Variants in CAMKMT observed in about 807,000 individuals in gnomAD.
CAMKMT encodes the protein CaM KMT.
A neutral mutation model predicts 48.0 loss-of-function variants in CAMKMT; 53 were observed. The ratio of observed to expected loss-of-function variants is 1.10; its 90% CI spans 0.89 to 1.39. The LOEUF (loss-of-function observed/expected upper bound fraction) is 1.39, where lower values mean the gene tolerates loss of function less well. Ranked by LOEUF, CAMKMT falls within the 40% of genes most tolerant of loss-of-function variation. The pLI is 0.00. For missense variants in CAMKMT, 428 were observed against 402.7 expected (o/e 1.06, Z -0.54); for synonymous variants, 165 against 152.3 (o/e 1.08, Z -0.61).
chr2:44,761,027 G>T (rs116134037), intron 9 of CAMKMT, among the ~76,000 whole-genome samples: 2 of 152,194 alleles, frequency 1.3e-5, no homozygotes, highest in African/African-American at 4.8e-5. Flanking sequence ...ACAGTCTAGA[G>T]ACAAGCAAGG....
intron 1 of CAMKMT, among the ~76,000 whole-genome samples, chr2:44,363,044 G>C (rs1678120088): frequency 6.6e-6 from 1 of 152,194 alleles, no homozygotes; most frequent in Non-Finnish European, 1.5e-5. Context: ...CTTTACTTGA[G>C]ATTGTGCTTT....
At chr2:44,649,700 A>C (rs908529083) in intron 3 of CAMKMT, among the ~76,000 whole-genome samples, 3 of 152,154 alleles carry the variant, frequency 2.0e-5, no homozygotes, top group African/African-American at 7.2e-5. Flanking sequence ...GTGATGGAAA[A>C]CCGAACAAGT....
At chr2:44,757,768 T>C (rs960843690) in intron 9 of CAMKMT, among the ~76,000 whole-genome samples, 1 of 152,158 alleles carries the variant, frequency 6.6e-6, no homozygotes, top group Non-Finnish European at 1.5e-5. Context: ...TCACCTATGT[T>C]GATCAGGCTG....
intron 3 of CAMKMT, among the ~76,000 whole-genome samples, chr2:44,659,420 C>T (rs867040353): frequency 1.3e-5 from 2 of 151,838 alleles, no homozygotes; most frequent in African/African-American, 2.4e-5. Context: ...GAACAAGACC[C>T]AGTTTCAAGA....
chr2:44,405,179 C>T (rs1210866167), intron 3 of CAMKMT, among the ~76,000 whole-genome samples: 1 of 151,914 alleles, frequency 6.6e-6, no homozygotes. Flanking sequence ...TTTCTTTTGA[C>T]CCAATAATCC....
chr2:44,646,322 G>GT (rs1237801748), intron 3 of CAMKMT, among the ~76,000 whole-genome samples: 280 of 146,352 alleles, frequency 1.9e-3, no homozygotes, highest in African/African-American at 4.4e-3. Context: ...TTTGTTTTTT[G>GT]TTTTTTTTTT....
intron 9 of CAMKMT, among the ~76,000 whole-genome samples, chr2:44,762,662 A>G (rs894432084): frequency 3.0e-4 from 45 of 152,362 alleles, no homozygotes; most frequent in Middle Eastern, 3.4e-3. Context: ...ATAATAAAAA[A>G]TAAAATAAAA....
intron 3 of CAMKMT, among the ~76,000 whole-genome samples, chr2:44,469,341 T>C (rs1183503432): frequency 1.8e-5 from 2 of 110,106 alleles, no homozygotes; most frequent in Non-Finnish European, 3.7e-5. Flanking sequence ...TTGAATCTTA[T>C]TAAACCTGAT....
At chr2:44,426,684 A>C (rs1042615512) in intron 3 of CAMKMT, among the ~76,000 whole-genome samples, 2 of 152,220 alleles carry the variant, frequency 1.3e-5, no homozygotes, top group Non-Finnish European at 2.9e-5. Context: ...TGACACAAAC[A>C]AATGGAAAAA....
chr2:44,722,176 C>CTTTT (rs11323950), intron 7 of CAMKMT, among the ~76,000 whole-genome samples: 9 of 115,450 alleles, frequency 7.8e-5, no homozygotes, highest in East Asian at 2.5e-4. Context: ...TTTCTTTTTT[C>CTTTT]TTTTTTTTTT....
At chr2:44,713,873 G>A (rs961190832) in intron 6 of CAMKMT, among the ~76,000 whole-genome samples, 3 of 152,144 alleles carry the variant, frequency 2.0e-5, no homozygotes, top group Non-Finnish European at 4.4e-5. Context: ...CTTGCTTTGA[G>A]CATTCAGGAA....
chr2:44,652,495 A>T (rs2104044104), intron 3 of CAMKMT, among the ~76,000 whole-genome samples: 1 of 152,320 alleles, frequency 6.6e-6, no homozygotes, highest in South Asian at 2.1e-4. Flanking sequence ...TGGGGTCTCC[A>T]CAGGTAAAGC....
intron 3 of CAMKMT, among the ~76,000 whole-genome samples, chr2:44,691,781 C>A (rs781553779): frequency 2.0e-5 from 3 of 152,150 alleles, no homozygotes; most frequent in African/African-American, 7.2e-5. Flanking sequence ...GTTTCCAAAC[C>A]TCCCTGTGCC....
rs183550671 is a variant in CAMKMT at position 44,594,212 on chromosome 2, A to G, written c.377-110071A>G. Among the ~76,000 whole-genome samples, 61 of 152,342 alleles carry G rather than the reference A, an allele frequency of 4.0e-4. 1 individual carries two copies. Among genetic ancestry groups the G allele is most frequent in the African/African-American group, 1.3e-3 (55 of 41,568 alleles). On this transcript the variant is annotated intron_variant, in intron 3 of 10. Coordinates refer to ENST00000378494, the MANE Select transcript of CAMKMT (RefSeq NM_024766.5). Reference sequence around the variant, plus strand: ...CCATGCTCATGGATAGGAAGAGTCAATATTGTGAAAATGGCCATACTGCCC... The same window carrying G: ...CCATGCTCATGGATAGGAAGAGTCAGTATTGTGAAAATGGCCATACTGCCC...
Position 44,743,659 on chromosome 2 carries a change from C to G in CAMKMT, c.661C>G (p.Leu221Val). The change falls in exon 8 of 11, where the codon CTG becomes GTG. Residue 221 changes from leucine (L) to valine (V), a missense_variant. Coordinates refer to ENST00000378494, the MANE Select transcript of CAMKMT (RefSeq NM_024766.5). Reference protein sequence around the residue: ...RWDNETDVSQLEGHFDIVMCA... With the variant: ...RWDNETDVSQVEGHFDIVMCA... ...GGATAATGAGACAGATGTCTCTCAA[C>G]TGGAAGGACATTTTGACATTGTTAT... 6.2e-7 allele frequency: 1 copy of G among 1,613,302 alleles called. No homozygotes were observed. The highest frequency in any genetic ancestry group is 2.2e-5 in the East Asian group (1 of 44,850).
intron 3 of CAMKMT, among the ~76,000 whole-genome samples, chr2:44,413,631 G>C (rs1683362265): frequency 6.7e-6 from 1 of 148,194 alleles, no homozygotes; most frequent in African/African-American, 2.5e-5. Context: ...AAGTCAGGGT[G>C]ACAGAGTGAG....
At chr2:44,669,827 G>A (rs1310070751) in intron 3 of CAMKMT, among the ~76,000 whole-genome samples, 13 of 151,730 alleles carry the variant, frequency 8.6e-5, no homozygotes, top group Admixed American at 1.3e-4. Context: ...TTGTAGAGAC[G>A]AAGTTTCACC....
At chr2:44,577,483 G>C (rs766004614) in intron 3 of CAMKMT, among the ~76,000 whole-genome samples, 3 of 152,118 alleles carry the variant, frequency 2.0e-5, no homozygotes, top group African/African-American at 7.2e-5. Context: ...GCCAGGTGTG[G>C]TAGTACATGC....
chr2:44,677,200 T>C (rs1157456842), intron 3 of CAMKMT, among the ~76,000 whole-genome samples: 2 of 152,242 alleles, frequency 1.3e-5, no homozygotes, highest in Non-Finnish European at 2.9e-5. Context: ...AATAGCATTT[T>C]CATGATTAAG....
Sources: gnomAD v4.1 joint callset for allele counts (sites outside exome capture counted in the v4.1 genomes callset) on GRCh38, gnomAD v4.1.1 for gene constraint, MANE v1.5 for transcripts, NCBI Gene and HGNC (gene_info 2026-07-23, HGNC 2026-07-21) for gene names.